Variants in PLXDC2 observed in about 807,000 individuals in gnomAD.
PLXDC2 encodes plexin domain-containing protein 2.
Under a neutral mutation model 68.9 loss-of-function variants are expected in PLXDC2, and 40 were observed. The ratio of observed to expected loss-of-function variants is 0.58; its 90% CI spans 0.45 to 0.76. PLXDC2 has a LOEUF of 0.76. Among genes scored for constraint, PLXDC2 ranks in the 30% least tolerant of loss-of-function variants. PLXDC2 has a pLI of 0.00. For missense variants in PLXDC2, 644 were observed against 661.9 expected (o/e 0.97, Z 0.30); for synonymous variants, 243 against 234.2 (o/e 1.04, Z -0.34).
intron 1 of PLXDC2, among the ~76,000 whole-genome samples, chr10:19,842,894 T>C (rs777801790): frequency 3.3e-5 from 5 of 152,162 alleles, no homozygotes; most frequent in Non-Finnish European, 5.9e-5. Flanking sequence ...TTATCTGATA[T>C]GATGTAAACA....
intron 9 of PLXDC2, among the ~76,000 whole-genome samples, chr10:20,206,603 A>G (rs1048365829): frequency 1.3e-5 from 2 of 152,236 alleles, no homozygotes; most frequent in African/African-American, 2.4e-5. Flanking sequence ...TACAGGAGTG[A>G]GCAAGAGGCC....
At chr10:20,013,542 T>C (rs1022018296) in intron 2 of PLXDC2, among the ~76,000 whole-genome samples, 1 of 152,240 alleles carries the variant, frequency 6.6e-6, no homozygotes, top group Non-Finnish European at 1.5e-5. Context: ...TCTTCCTTTT[T>C]CTAAGATTAT....
chr10:20,179,904 G>A (rs940910553), intron 9 of PLXDC2, among the ~76,000 whole-genome samples: 4 of 152,030 alleles, frequency 2.6e-5, no homozygotes, highest in South Asian at 2.1e-4. Flanking sequence ...TCAAACCTCC[G>A]TCTTTGTGAC....
Position 20,129,441 on chromosome 10 carries a change from G to A in PLXDC2, c.542-13854G>A, listed in dbSNP as rs373130226. On this transcript the variant is annotated intron_variant, in intron 4 of 13. Coordinates refer to ENST00000377252, the MANE Select transcript of PLXDC2 (RefSeq NM_032812.9). Reference sequence around the variant, plus strand: ...AGGTTTTCTCTTGACTCTGTTGATCGTTTTCTTTAAAGGCTTTTCAGTTTC... The same window carrying A: ...AGGTTTTCTCTTGACTCTGTTGATCATTTTCTTTAAAGGCTTTTCAGTTTC... 3.3e-5 allele frequency among the ~76,000 whole-genome samples: 5 copies of A among 151,430 alleles called. No individual in the cohort carries two copies. In the East Asian group the frequency reaches 9.7e-4, roughly 29 times the overall value.
intron 6 of PLXDC2, among the ~76,000 whole-genome samples, chr10:20,152,136 A>G (rs979059876): frequency 1.3e-5 from 2 of 152,084 alleles, no homozygotes; most frequent in East Asian, 1.9e-4. Context: ...AAATATTGTC[A>G]TTTCTTCAAT....
chr10:20,017,375 G>T (rs541550557), intron 2 of PLXDC2, among the ~76,000 whole-genome samples: 25 of 152,242 alleles, frequency 1.6e-4, no homozygotes, highest in Non-Finnish European at 2.9e-4. Flanking sequence ...CCCTCCTCAG[G>T]TTCTCTTCAT....
intron 9 of PLXDC2, among the ~76,000 whole-genome samples, chr10:20,192,345 G>A (rs747315665): frequency 6.6e-5 from 10 of 151,860 alleles, no homozygotes; most frequent in East Asian, 1.9e-4. Flanking sequence ...ACTAACCTCC[G>A]TTCAAAAATT....
chr10:20,209,959 C>A (rs1371222911), intron 9 of PLXDC2, among the ~76,000 whole-genome samples: 1 of 152,148 alleles, frequency 6.6e-6, no homozygotes, highest in Non-Finnish European at 1.5e-5. Flanking sequence ...TAATAAGTGT[C>A]CATGAAATCT....
Position 20,190,051 on chromosome 10 carries a change from T to C in PLXDC2, c.1061+12642T>C, listed in dbSNP as rs568258385. Among the ~76,000 whole-genome samples the C allele has an allele frequency of 5.3e-4, 81 of 151,982 alleles. No individual in the cohort carries two copies. In the South Asian group the frequency reaches 0.016, roughly 30 times the overall value. ...GTGTTTGCTTCCCATCTGAGTACCA[T>C]TTGGCAAACTGGAGATAAAGTCTGC... On this transcript the variant is annotated intron_variant, in intron 9 of 13. Coordinates refer to ENST00000377252, the MANE Select transcript of PLXDC2 (RefSeq NM_032812.9).
chr10:19,897,243 T>TTG (rs1275209369), intron 1 of PLXDC2, among the ~76,000 whole-genome samples: 2 of 151,888 alleles, frequency 1.3e-5, no homozygotes, highest in South Asian at 2.1e-4. Flanking sequence ...TTTTTTGTTT[T>TTG]TTTTTGTTTT....
At chr10:19,984,231 G>A (rs1834598780) in intron 1 of PLXDC2, among the ~76,000 whole-genome samples, 1 of 152,168 alleles carries the variant, frequency 6.6e-6, no homozygotes, top group Admixed American at 6.5e-5. Flanking sequence ...TCCAGTAAGA[G>A]GTCTGGTGTT....
intron 4 of PLXDC2, among the ~76,000 whole-genome samples, chr10:20,118,016 ATC>A (rs994165026): frequency 6.6e-5 from 10 of 152,030 alleles, no homozygotes; most frequent in African/African-American, 2.4e-4. Context: ...TTAACATGCC[ATC>A]TCTTTCTGTC....
At chr10:19,986,120 ATTGAGGAGAAAGCACTTCTTTTT>A (rs1834633858) in intron 1 of PLXDC2, among the ~76,000 whole-genome samples, 1 of 152,218 alleles carries the variant, frequency 6.6e-6, no homozygotes, top group African/African-American at 2.4e-5. Flanking sequence ...TTTACATCGA[ATTGAGGAGAAAGCACTTCTTTTT>A]TTTTCACAAA....
rs753678399 is a variant in PLXDC2 at position 20,217,473 on chromosome 10, T to G, written c.1170T>G (p.Ser390=). 13 of 1,612,692 alleles carry G rather than the reference T, an allele frequency of 8.1e-6. No homozygotes were observed. Among genetic ancestry groups the G allele is most frequent in the Non-Finnish European group, 1.1e-5 (13 of 1,179,244 alleles). The stretch of plus-strand genomic sequence containing the variant: ...ATACAGAACCAGTGGAAACTTCTTC[T>G]CGAACCACCACAACCGTAGGAGCGA... ...CENTEPVETS[S]RTTTTVGATT... The change falls in exon 11 of 14, where the codon TCT becomes TCG. Residue 390 remains serine, a synonymous_variant. Transcript: ENST00000377252.
At chr10:20,086,798 C>T (rs1042203389) in intron 4 of PLXDC2, among the ~76,000 whole-genome samples, 1 of 152,148 alleles carries the variant, frequency 6.6e-6, no homozygotes, top group Admixed American at 6.5e-5. Flanking sequence ...AAAAATCAAG[C>T]CTGTAGCACG....
At chr10:20,022,066 G>A (rs768375930) in intron 2 of PLXDC2, among the ~76,000 whole-genome samples, 4 of 152,158 alleles carry the variant, frequency 2.6e-5, no homozygotes, top group African/African-American at 4.8e-5. Context: ...AATGCATCAC[G>A]GAACTGTATT....
intron 1 of PLXDC2, among the ~76,000 whole-genome samples, chr10:19,883,971 C>T (rs892695225): frequency 1.5e-5 from 2 of 134,978 alleles, no homozygotes; most frequent in Non-Finnish European, 3.1e-5. Flanking sequence ...GATCTCGGCT[C>T]ACTGCAGCCT....
chr10:20,000,730 G>T (rs552255560), intron 1 of PLXDC2, among the ~76,000 whole-genome samples: 78 of 152,230 alleles, frequency 5.1e-4, no homozygotes, highest in African/African-American at 1.8e-3. Flanking sequence ...ATTATAAGCT[G>T]CATTAAATAC....
chr10:19,843,724 T>C (rs998419649), intron 1 of PLXDC2, among the ~76,000 whole-genome samples: 5 of 152,034 alleles, frequency 3.3e-5, no homozygotes, highest in African/African-American at 1.2e-4. Context: ...AAAAATGTGA[T>C]CTCCTGGAGC....
Sources: gnomAD v4.1 joint callset for allele counts (sites outside exome capture counted in the v4.1 genomes callset) on GRCh38, gnomAD v4.1.1 for gene constraint, MANE v1.5 for transcripts, NCBI Gene and HGNC (gene_info 2026-07-23, HGNC 2026-07-21) for gene names.